The following PLXDC2 variants were observed in gnomAD, a reference collection of about 807,000 sequenced individuals.
PLXDC2 encodes the protein plexin domain-containing protein 2.
In PLXDC2, 40 loss-of-function variants were observed where a neutral mutation model predicts 68.9. That is an observed-to-expected ratio of 0.58 (90% confidence interval 0.45 to 0.76). PLXDC2 has a LOEUF of 0.76. PLXDC2 is among the 30% of genes least tolerant of loss of function. The pLI, the probability that PLXDC2 is intolerant of heterozygous loss-of-function variation, is 0.00. For missense variants in PLXDC2, 644 were observed against 661.9 expected (o/e 0.97, Z 0.30); for synonymous variants, 243 against 234.2 (o/e 1.04, Z -0.34).
intron 3 of PLXDC2, among the ~76,000 whole-genome samples, chr10:20,064,940 T>G (rs1301998188): frequency 6.6e-6 from 1 of 152,094 alleles, no homozygotes; most frequent in East Asian, 1.9e-4. Flanking sequence ...GCTCAGTCCA[T>G]GGGGACTGAG....
At chr10:20,176,015 A>G (rs1468077169) in intron 7 of PLXDC2, among the ~76,000 whole-genome samples, 1 of 152,090 alleles carries the variant, frequency 6.6e-6, no homozygotes, top group Non-Finnish European at 1.5e-5. Context: ...TTTTAAGTAT[A>G]TTTAAATGTT....
chr10:20,022,788 T>A (rs1486187443), intron 2 of PLXDC2, among the ~76,000 whole-genome samples: 2 of 152,116 alleles, frequency 1.3e-5, no homozygotes, highest in East Asian at 3.9e-4. Context: ...ACATTCATTG[T>A]TATTGTTATT....
chr10:20,143,261 T>A, intron 4 of PLXDC2, 34 bp from the exon 5 acceptor site: 1 of 1,577,472 alleles, frequency 6.3e-7, no homozygotes, highest in Non-Finnish European at 8.6e-7. Context: ...TGGGCTTCTT[T>A]TTCTGAATAT....
At chr10:20,236,311 G>C (rs1473858676) in intron 12 of PLXDC2, among the ~76,000 whole-genome samples, 1 of 151,952 alleles carries the variant, frequency 6.6e-6, no homozygotes, top group Admixed American at 6.6e-5. Context: ...CAGGAATGGT[G>C]GTGTGTGCAT....
chr10:20,182,069 A>AC, intron 9 of PLXDC2, among the ~76,000 whole-genome samples: 1 of 80,524 alleles, frequency 1.2e-5, no homozygotes, highest in South Asian at 4.3e-4. Context: ...GAAACCGGTT[A>AC]TTTGTGTGTG....
At chr10:20,206,229 C>A (rs1589680407) in intron 9 of PLXDC2, among the ~76,000 whole-genome samples, 1 of 151,688 alleles carries the variant, frequency 6.6e-6, no homozygotes, top group African/African-American at 2.4e-5. Flanking sequence ...TTTTTTGTGA[C>A]CAAGCCAAAA....
intron 6 of PLXDC2, among the ~76,000 whole-genome samples, chr10:20,162,075 G>GA (rs1432031675): frequency 1.0e-4 from 6 of 59,674 alleles, no homozygotes; most frequent in African/African-American, 3.7e-4. Flanking sequence ...AGAGAGAGAA[G>GA]GAAGGAAGGA....
At chr10:20,018,268 C>T (rs997410594) in intron 2 of PLXDC2, among the ~76,000 whole-genome samples, 1 of 152,176 alleles carries the variant, frequency 6.6e-6, no homozygotes, top group South Asian at 2.1e-4. Context: ...TTCCAGGAGA[C>T]ACTTCACTGC....
chr10:20,261,680 C>T (rs1835810293), intron 13 of PLXDC2, among the ~76,000 whole-genome samples: 1 of 151,996 alleles, frequency 6.6e-6, no homozygotes, highest in Admixed American at 6.6e-5. Flanking sequence ...CATGGAGAAA[C>T]CCCGTCTCTA....
At chr10:19,967,978 A>G (rs937532769) in intron 1 of PLXDC2, among the ~76,000 whole-genome samples, 1 of 152,232 alleles carries the variant, frequency 6.6e-6, no homozygotes, top group Non-Finnish European at 1.5e-5. Flanking sequence ...GCATTAGCTG[A>G]AAGGACTTGG....
At chr10:20,088,793 C>G (rs1833235456) in intron 4 of PLXDC2, among the ~76,000 whole-genome samples, 1 of 152,226 alleles carries the variant, frequency 6.6e-6, no homozygotes, top group South Asian at 2.1e-4. Flanking sequence ...TAATATTATA[C>G]TTTAAGTGCC....
intron 7 of PLXDC2, among the ~76,000 whole-genome samples, chr10:20,174,331 A>T (rs1013837537): frequency 1.3e-5 from 2 of 152,078 alleles, no homozygotes; most frequent in African/African-American, 4.8e-5. Flanking sequence ...GATGTGATTT[A>T]TATACTTCAT....
At chr10:19,817,316 C>G in intron 1 of PLXDC2, 125 bp downstream of exon 1, 1 of 788,548 alleles carries the variant, frequency 1.3e-6, no homozygotes, top group African/African-American at 1.7e-5. Flanking sequence ...ATTGCAGTTG[C>G]TTTTCGGCTA....
chr10:19,997,850 A>G (rs1290868154), intron 1 of PLXDC2, among the ~76,000 whole-genome samples: 1 of 152,218 alleles, frequency 6.6e-6, no homozygotes, highest in Non-Finnish European at 1.5e-5. Flanking sequence ...ACTTTCTACA[A>G]TAGTTTATCT....
intron 9 of PLXDC2, among the ~76,000 whole-genome samples, chr10:20,198,223 A>T (rs1379799684): frequency 1.3e-5 from 2 of 152,192 alleles, no homozygotes; most frequent in South Asian, 4.1e-4. Flanking sequence ...GTTAGAAATC[A>T]GAGGGAAATG....
At chr10:19,929,532 T>G (rs1589541602) in intron 1 of PLXDC2, among the ~76,000 whole-genome samples, 1 of 152,326 alleles carries the variant, frequency 6.6e-6, no homozygotes, top group East Asian at 1.9e-4. Flanking sequence ...AGTAAATCTT[T>G]TAAAAATCAT....
intron 4 of PLXDC2, among the ~76,000 whole-genome samples, chr10:20,125,976 A>G (rs1385287896): frequency 2.0e-5 from 3 of 148,590 alleles, no homozygotes; most frequent in Non-Finnish European, 4.5e-5. Flanking sequence ...TACATATTTT[A>G]TATGTGCTAT....
intron 12 of PLXDC2, among the ~76,000 whole-genome samples, chr10:20,242,780 G>A (rs963959719): frequency 5.9e-5 from 9 of 152,090 alleles, no homozygotes; most frequent in Admixed American, 2.0e-4. Context: ...GCAGGATCTC[G>A]GCTCCCTGCA....
chr10:19,987,220 A>T (rs980058273), intron 1 of PLXDC2, among the ~76,000 whole-genome samples: 1 of 152,166 alleles, frequency 6.6e-6, no homozygotes, highest in Non-Finnish European at 1.5e-5. Flanking sequence ...TAGAATAACC[A>T]CATGTTCGAT....
Sources: gnomAD v4.1 joint callset for allele counts (sites outside exome capture counted in the v4.1 genomes callset) on GRCh38, gnomAD v4.1.1 for gene constraint, MANE v1.5 for transcripts, NCBI Gene and HGNC (gene_info 2026-07-23, HGNC 2026-07-21) for gene names.